The following PHGDH variants were observed in gnomAD, a reference collection of about 807,000 sequenced individuals.
The protein encoded by PHGDH is D-3-phosphoglycerate dehydrogenase.
Under a neutral mutation model 52.6 loss-of-function variants are expected in PHGDH, and 50 were observed. The ratio of observed to expected loss-of-function variants is 0.95; its 90% CI spans 0.76 to 1.20. PHGDH has a LOEUF of 1.20. Among genes scored for constraint, PHGDH ranks in the 50% most tolerant of loss-of-function variants. The probability of loss-of-function intolerance (pLI) is 0.00; values close to 1 mark genes in which losing one functional copy is unlikely to be tolerated. For synonymous variants in PHGDH, 271 were observed against 280.5 expected (o/e 0.97, Z 0.34); for missense variants, 630 against 684.6 (o/e 0.92, Z 0.89).
At chr1:119,720,705 C>T in intron 1 of PHGDH, 1 of 240,556 alleles carries the variant, frequency 4.2e-6, no homozygotes, top group Non-Finnish European at 8.3e-6. Context: ...ATGACATTGC[C>T]TTTCTTTCTT....
chr1:119,716,246 C>T (rs1650929452), intron 1 of PHGDH, among the ~76,000 whole-genome samples: 1 of 152,138 alleles, frequency 6.6e-6, no homozygotes, highest in Admixed American at 6.5e-5. Flanking sequence ...GAGGTGAGAC[C>T]TGATGCTCAT....
intron 1 of PHGDH, among the ~76,000 whole-genome samples, chr1:119,718,238 G>A (rs1317344579): frequency 1.3e-5 from 2 of 152,198 alleles, no homozygotes; most frequent in Admixed American, 1.3e-4. Flanking sequence ...GAACTCAACA[G>A]ATTTGGACTT....
intron 8 of PHGDH, among the ~76,000 whole-genome samples, chr1:119,738,140 G>A (rs1050669704): frequency 3.3e-5 from 5 of 151,858 alleles, no homozygotes; most frequent in African/African-American, 7.3e-5. Context: ...CATGACTTAA[G>A]CCTCTCTGCA....
chr1:119,714,873 C>T (rs758816786), intron 1 of PHGDH, among the ~76,000 whole-genome samples: 6 of 152,160 alleles, frequency 3.9e-5, no homozygotes, highest in Non-Finnish European at 5.9e-5. Context: ...GCCATGATCT[C>T]GCCACTGCAA....
intron 1 of PHGDH, among the ~76,000 whole-genome samples, chr1:119,712,809 G>A (rs1650759395): frequency 6.6e-6 from 1 of 152,194 alleles, no homozygotes; most frequent in South Asian, 2.1e-4. Context: ...ATGCAAGACT[G>A]CTCCGTGCTT....
intron 3 of PHGDH, among the ~76,000 whole-genome samples, chr1:119,725,448 T>A (rs1004682524): frequency 5.3e-5 from 8 of 152,134 alleles, no homozygotes; most frequent in Non-Finnish European, 1.0e-4. Flanking sequence ...TCAAAGGCAT[T>A]TTATCAGGCA....
intron 1 of PHGDH, among the ~76,000 whole-genome samples, chr1:119,716,161 A>G (rs1319921910): frequency 6.6e-6 from 1 of 152,126 alleles, no homozygotes; most frequent in East Asian, 1.9e-4. Flanking sequence ...GAAGCTCATT[A>G]ACTCTGACTG....
intron 1 of PHGDH, chr1:119,713,191 C>T (rs587677550): frequency 1.3e-5 from 2 of 152,674 alleles, no homozygotes; most frequent in Non-Finnish European, 2.9e-5. Context: ...TATTCTCCCC[C>T]ACCCTCCAAA....
At chr1:119,723,813 C>T (rs1395868946) in intron 3 of PHGDH, among the ~76,000 whole-genome samples, 2 of 151,848 alleles carry the variant, frequency 1.3e-5, no homozygotes, top group African/African-American at 4.8e-5. Context: ...CCTCTGCTTA[C>T]TTTTCAAGAT....
chr1:119,736,696 G>T (rs587638350), intron 7 of PHGDH, among the ~76,000 whole-genome samples: 2 of 152,208 alleles, frequency 1.3e-5, no homozygotes, highest in Admixed American at 6.5e-5. Context: ...GATGCAGGGG[G>T]GTGAGTTTCG....
chr1:119,718,362 T>C (rs1457503452), intron 1 of PHGDH, among the ~76,000 whole-genome samples: 1 of 152,232 alleles, frequency 6.6e-6, no homozygotes, highest in Non-Finnish European at 1.5e-5. Flanking sequence ...TGTCTTAGGA[T>C]TGTTGTGAAG....
chr1:119,716,909 A>G (rs1162725520), intron 1 of PHGDH, among the ~76,000 whole-genome samples: 1 of 152,096 alleles, frequency 6.6e-6, no homozygotes, highest in Non-Finnish European at 1.5e-5. Context: ...AATATTATTC[A>G]TTTTCTTTCT....
At chr1:119,735,747 C>T (rs976309309) in intron 7 of PHGDH, among the ~76,000 whole-genome samples, 3 of 152,298 alleles carry the variant, frequency 2.0e-5, no homozygotes, top group East Asian at 3.9e-4. Context: ...CAAATCAGTT[C>T]TGAAGTTGAG....
chr1:119,724,120 T>C (rs946552703), intron 3 of PHGDH, among the ~76,000 whole-genome samples: 4 of 152,040 alleles, frequency 2.6e-5, no homozygotes, highest in African/African-American at 9.7e-5. Flanking sequence ...TGAGTCTCAG[T>C]GTGTTGGTTA....
At chr1:119,717,247 AAAAAAAAAAAAAAAG>A (rs1650976281) in intron 1 of PHGDH, among the ~76,000 whole-genome samples, 1 of 149,990 alleles carries the variant, frequency 6.7e-6, no homozygotes, top group African/African-American at 2.4e-5. Context: ...AAAAAAAAAA[AAAAAAAAAAAAAAAG>A]TTGATTTGTA....
At chr1:119,724,985 G>C (rs900786562) in intron 3 of PHGDH, 1 of 456,556 alleles carries the variant, frequency 2.2e-6, no homozygotes, top group African/African-American at 2.0e-5. Flanking sequence ...CCTATATGTA[G>C]ACTCTACAGG....
chr1:119,724,309 C>T, intron 3 of PHGDH: 1 of 177,260 alleles, frequency 5.6e-6, no homozygotes, highest in Admixed American at 5.4e-5. Flanking sequence ...CTCCTTGTTT[C>T]TCTACTCAGG....
chr1:119,723,326 G>C, intron 2 of PHGDH, 50 bp from the exon 3 acceptor site: 8 of 1,395,954 alleles, frequency 5.7e-6, no homozygotes, highest in Non-Finnish European at 6.1e-6. Flanking sequence ...GGAAGGAGTG[G>C]GAATACTGGG....
rs587699595 is a variant in PHGDH at position 119,742,772 on chromosome 1, G to A, written c.1210-35G>A. 76 of 1,309,044 alleles carry A rather than the reference G, an allele frequency of 5.8e-5. 1 individual carries two copies. Among genetic ancestry groups the A allele is most frequent in the Admixed American group, 2.2e-4 (12 of 53,418 alleles). 81.1% of individuals were successfully genotyped at this position (1,309,044 alleles called of 1,614,324 possible). ...GAGGAGGGTGGACGTGGTGCAGCCA[G>A]GAGGTGTAACAGTCACCTTGCCTTC... On this transcript the variant is annotated intron_variant, in intron 10 of 11. Transcript: ENST00000641023.
Sources: gnomAD v4.1 joint callset for allele counts (sites outside exome capture counted in the v4.1 genomes callset) on GRCh38, gnomAD v4.1.1 for gene constraint, MANE v1.5 for transcripts, NCBI Gene and HGNC (gene_info 2026-07-23, HGNC 2026-07-21) for gene names.